The following RIN2 variants were observed in gnomAD, a reference collection of about 807,000 sequenced individuals.
RIN2 encodes RAB5 interacting protein 2.
In RIN2, 36 loss-of-function variants were observed where a neutral mutation model predicts 78.0. The ratio of observed to expected loss-of-function variants is 0.46; its 90% CI spans 0.35 to 0.61. The LOEUF (loss-of-function observed/expected upper bound fraction) is 0.61. Ranked by LOEUF, RIN2 falls within the 20% of genes least tolerant of loss-of-function variation. The pLI is 0.00. For synonymous variants in RIN2, 466 were observed against 466.8 expected (o/e 1.00, Z 0.02); for missense variants, 1,087 against 1,159.7 (o/e 0.94, Z 0.91).
intron 4 of RIN2, among the ~76,000 whole-genome samples, chr20:19,956,253 A>G: frequency 7.7e-6 from 1 of 129,240 alleles, no homozygotes; most frequent in African/African-American, 2.9e-5. Flanking sequence ...ATAAGACTCC[A>G]TCTCAAAAAA....
At chr20:19,961,039 G>A (rs1209874802) in intron 6 of RIN2, among the ~76,000 whole-genome samples, 1 of 152,184 alleles carries the variant, frequency 6.6e-6, no homozygotes, top group African/African-American at 2.4e-5. Context: ...AATATAAAGT[G>A]TGCAGCCTAC....
At position 19,823,248 on chromosome 20, in the gene RIN2, C is replaced by T. The variant is rs111362224; in HGVS notation, c.-37+23501C>T. ...AATGTCAAAGCTAACTGGCAGTGAA[C>T]GTGCTGAAGAAGCAGAAGGTAGTGA... On this transcript the variant is annotated intron_variant, in intron 2 of 12. Coordinates refer to ENST00000255006, the MANE Select transcript of RIN2 (RefSeq NM_018993.4). 9.4e-3 allele frequency among the ~76,000 whole-genome samples: 1,430 copies of T among 152,236 alleles called. 17 individuals are homozygous for T. The highest frequency in any genetic ancestry group is 0.032 in the African/African-American group (1,344 of 41,524).
chr20:19,948,171 A>T (rs7265636), intron 4 of RIN2, among the ~76,000 whole-genome samples: 2,293 of 151,676 alleles, frequency 0.015, 66 homozygotes, highest in African/African-American at 0.053. Flanking sequence ...CAGTGCTGAG[A>T]CACAGCTGCT....
chr20:19,844,677 TTCTTCTTCC>T (rs1353621847), intron 2 of RIN2, among the ~76,000 whole-genome samples: 20 of 69,374 alleles, frequency 2.9e-4, no homozygotes, highest in African/African-American at 1.1e-3. Context: ...TTCCTTCTTC[TTCTTCTTCC>T]TCTTCCTCTT....
chr20:19,776,157 A>C (rs1277893012), intron 1 of RIN2, among the ~76,000 whole-genome samples: 2 of 152,124 alleles, frequency 1.3e-5, no homozygotes, highest in Admixed American at 6.5e-5. Context: ...AACCAGAAAA[A>C]CTAGCTCAGG....
chr20:19,947,759 C>A (rs1008915515), intron 4 of RIN2, among the ~76,000 whole-genome samples: 1 of 152,228 alleles, frequency 6.6e-6, no homozygotes, highest in African/African-American at 2.4e-5. Flanking sequence ...GAGTGCCTGG[C>A]CAGAAAGGTG....
At chr20:19,828,566 C>T (rs6035451) in intron 2 of RIN2, among the ~76,000 whole-genome samples, 1 of 152,158 alleles carries the variant, frequency 6.6e-6, no homozygotes, top group Non-Finnish European at 1.5e-5. Context: ...CACAGTAGCC[C>T]TTTTATTCTA....
chr20:19,764,391 C>T (rs1342181869), intron 1 of RIN2, among the ~76,000 whole-genome samples: 3 of 152,116 alleles, frequency 2.0e-5, no homozygotes, highest in Non-Finnish European at 2.9e-5. Context: ...GATCCCACAC[C>T]AGGGGAAGTT....
Position 19,990,227 on chromosome 20 carries a change from CAGAAGATGTAT to C in RIN2, c.1985_1995del (p.Gln662LeufsTer31). 1.2e-6 allele frequency: 2 copies of C among 1,613,112 alleles called. No homozygotes were observed. The highest frequency in any genetic ancestry group is 1.7e-6 in the Non-Finnish European group (2 of 1,179,620). ...AATCAAAGTCAAGTTCATGACCATG[CAGAAGATGTAT>C]TCGCCGGAAAAGAAGGTCATGCTGC... On this transcript the variant is annotated frameshift_variant, in exon 10 of 13. Coordinates refer to ENST00000255006, the MANE Select transcript of RIN2 (RefSeq NM_018993.4). LOFTEE classifies it high-confidence loss of function.
intron 3 of RIN2, among the ~76,000 whole-genome samples, chr20:19,905,087 G>A (rs562780318): frequency 1.3e-5 from 2 of 152,142 alleles, no homozygotes; most frequent in African/African-American, 4.8e-5. Context: ...ACTCTGTCCC[G>A]TTCCCACTTT....
chr20:19,949,196 C>A (rs909072531), intron 4 of RIN2, among the ~76,000 whole-genome samples: 2 of 152,174 alleles, frequency 1.3e-5, no homozygotes, highest in Admixed American at 6.6e-5. Context: ...GCAGGAGAAT[C>A]GCTTGAGCCT....
intron 3 of RIN2, among the ~76,000 whole-genome samples, chr20:19,926,517 A>C (rs1600830218): frequency 6.6e-6 from 1 of 151,860 alleles, no homozygotes; most frequent in Non-Finnish European, 1.5e-5. Flanking sequence ...GTTTAGAAAA[A>C]CCCCAACATG....
At chr20:19,900,182 C>A (rs1420605645) in intron 3 of RIN2, among the ~76,000 whole-genome samples, 1 of 152,136 alleles carries the variant, frequency 6.6e-6, no homozygotes, top group African/African-American at 2.4e-5. Context: ...GTAAAATAAT[C>A]CCAATTTAAA....
In RIN2 at chr20:19,787,148, C is replaced by T. The variant is rs539270729; in HGVS notation, c.-162-12474C>T. Among the ~76,000 whole-genome samples, 6 of 152,148 alleles carry T rather than the reference C, an allele frequency of 3.9e-5. No homozygotes were observed. The South Asian group carries it at 1.2e-3, about 32-fold the overall frequency. On this transcript the variant is annotated intron_variant, in intron 1 of 12. Coordinates refer to ENST00000255006, the MANE Select transcript of RIN2 (RefSeq NM_018993.4). Reference sequence around the variant, plus strand: ...TAATAAAGACAAATGACTGTCTGGGCACAGTGGCTCATACCTGTAATCCCA... The same window carrying T: ...TAATAAAGACAAATGACTGTCTGGGTACAGTGGCTCATACCTGTAATCCCA...
At chr20:19,766,038 C>T (rs2033870740) in intron 1 of RIN2, among the ~76,000 whole-genome samples, 1 of 152,074 alleles carries the variant, frequency 6.6e-6, no homozygotes, top group African/African-American at 2.4e-5. Flanking sequence ...GCTTCTTATC[C>T]CCTCAGTCCT....
At chr20:19,942,492 A>G (rs1328985125) in intron 4 of RIN2, among the ~76,000 whole-genome samples, 1 of 152,208 alleles carries the variant, frequency 6.6e-6, no homozygotes, top group Non-Finnish European at 1.5e-5. Flanking sequence ...AAACGTGTAC[A>G]TGGTGGAAAA....
chr20:19,767,617 G>T (rs1017923983), intron 1 of RIN2, among the ~76,000 whole-genome samples: 1 of 151,930 alleles, frequency 6.6e-6, no homozygotes, highest in Non-Finnish European at 1.5e-5. Context: ...GTTCATTATG[G>T]CACCACTTAG....
chr20:20,000,533 A>AC, intron 12 of RIN2, 80 bp from the exon 13 acceptor site: 1 of 1,117,874 alleles, frequency 8.9e-7, no homozygotes, highest in Non-Finnish European at 1.3e-6. Flanking sequence ...GCTTACAGTT[A>AC]CCCCCTCCCC....
At chr20:19,866,351 G>T (rs1026314623) in intron 2 of RIN2, among the ~76,000 whole-genome samples, 19 of 152,230 alleles carry the variant, frequency 1.2e-4, no homozygotes, top group East Asian at 3.9e-4. Context: ...GTGCAGTCTT[G>T]GGGGGTGGGG....
Sources: gnomAD v4.1 joint callset for allele counts (sites outside exome capture counted in the v4.1 genomes callset) on GRCh38, gnomAD v4.1.1 for gene constraint, MANE v1.5 for transcripts, NCBI Gene and HGNC (gene_info 2026-07-23, HGNC 2026-07-21) for gene names.